C7orf78: variants seen among roughly 807,000 people sequenced by gnomAD.
The protein encoded by C7orf78 is putative uncharacterized protein C7orf78.
chr7:12,495,277 T>C, the C7orf78 span, among the ~76,000 whole-genome samples: 1 of 152,222 alleles, frequency 6.6e-6, no homozygotes, highest in Non-Finnish European at 1.5e-5. Context: ...TGTCAGATGG[T>C]GGCCACAAAG....
At chr7:12,542,035 T>G in the C7orf78 span, 1 of 152,308 alleles carries the variant, frequency 6.6e-6, no homozygotes, top group African/African-American at 2.4e-5. Flanking sequence ...TGAAACTTCT[T>G]TGCTTCTGAT....
At chr7:12,484,407 T>A in the C7orf78 span, among the ~76,000 whole-genome samples, 6 of 152,332 alleles carry the variant, frequency 3.9e-5, no homozygotes, top group East Asian at 9.6e-4. Flanking sequence ...ATAAGTTACC[T>A]AACATCTTGA....
At chr7:12,484,568 C>T in the C7orf78 span, among the ~76,000 whole-genome samples, 1 of 151,994 alleles carries the variant, frequency 6.6e-6, no homozygotes, top group African/African-American at 2.4e-5. Flanking sequence ...CTTATAATGT[C>T]GCAATTTGTA....
the C7orf78 span, among the ~76,000 whole-genome samples, chr7:12,485,843 C>T: frequency 6.6e-5 from 10 of 151,366 alleles, no homozygotes; most frequent in African/African-American, 2.4e-4. Flanking sequence ...CGTCATAGGG[C>T]CTCTAAAGTT....
At chr7:12,528,979 T>G in the C7orf78 span, 1 of 398,442 alleles carries the variant, frequency 2.5e-6, no homozygotes, top group East Asian at 3.6e-5. Flanking sequence ...GCATTGTGAA[T>G]GCACCTGGGA....
At chr7:12,495,298 G>C in the C7orf78 span, among the ~76,000 whole-genome samples, 1 of 152,088 alleles carries the variant, frequency 6.6e-6, no homozygotes, top group Admixed American at 6.5e-5. Flanking sequence ...TGGCTGTTTT[G>C]CACAGCTCTT....
At chr7:12,501,065 T>C in the C7orf78 span, among the ~76,000 whole-genome samples, 1 of 150,840 alleles carries the variant, frequency 6.6e-6, no homozygotes, top group Non-Finnish European at 1.5e-5. Flanking sequence ...AAATTAGGTA[T>C]TGATGGGACA....
At chr7:12,502,883 C>A in the C7orf78 span, among the ~76,000 whole-genome samples, 1 of 149,004 alleles carries the variant, frequency 6.7e-6, no homozygotes, top group South Asian at 2.1e-4. Context: ...CACATATACA[C>A]CATGGAATAC....
the C7orf78 span, among the ~76,000 whole-genome samples, chr7:12,520,305 C>T: frequency 6.6e-6 from 1 of 152,320 alleles, no homozygotes; most frequent in South Asian, 2.1e-4. Context: ...GTGCCCGATG[C>T]CTCTAGTCAG....
the C7orf78 span, among the ~76,000 whole-genome samples, chr7:12,520,580 C>T: frequency 6.6e-6 from 1 of 152,184 alleles, no homozygotes; most frequent in Non-Finnish European, 1.5e-5. Context: ...CCACTGTAGT[C>T]AGAAAAGATA....
the C7orf78 span, among the ~76,000 whole-genome samples, chr7:12,537,646 GAT>G: frequency 6.6e-6 from 1 of 152,126 alleles, no homozygotes; most frequent in Non-Finnish European, 1.5e-5. Flanking sequence ...TGATATATAA[GAT>G]ATATTTGTAT....
chr7:12,511,992 G>C, the C7orf78 span, among the ~76,000 whole-genome samples: 3 of 141,242 alleles, frequency 2.1e-5, no homozygotes, highest in African/African-American at 8.1e-5. Flanking sequence ...AGCCAGGATG[G>C]TCTCGATCTC....
chr7:12,512,305 T>C, the C7orf78 span, among the ~76,000 whole-genome samples: 13 of 152,282 alleles, frequency 8.5e-5, no homozygotes, highest in African/African-American at 2.4e-4. Flanking sequence ...CCCCATTTAG[T>C]ATCATGTTAG....
the C7orf78 span, among the ~76,000 whole-genome samples, chr7:12,501,228 C>T: frequency 2.8e-5 from 4 of 143,170 alleles, no homozygotes; most frequent in Non-Finnish European, 6.1e-5. Context: ...AAGTTCTGGC[C>T]AGGGCAATTA....
the C7orf78 span, among the ~76,000 whole-genome samples, chr7:12,518,983 G>T: frequency 1.3e-5 from 2 of 152,104 alleles, no homozygotes; most frequent in African/African-American, 2.4e-5. Flanking sequence ...TACAGAACCC[G>T]TGCTGCTGGT....
chr7:12,508,566 C>A, the C7orf78 span, among the ~76,000 whole-genome samples: 1 of 152,114 alleles, frequency 6.6e-6, no homozygotes, highest in East Asian at 1.9e-4. Context: ...CTCCAATGTA[C>A]TTTGATAGTT....
At chr7:12,505,882 C>T in the C7orf78 span, 1 of 152,030 alleles carries the variant, frequency 6.6e-6, no homozygotes, top group Non-Finnish European at 1.5e-5. Context: ...ACAATAGAAG[C>T]TTAATTTTAC....
At chr7:12,492,345 C>A in the C7orf78 span, among the ~76,000 whole-genome samples, 35 of 152,238 alleles carry the variant, frequency 2.3e-4, no homozygotes, top group African/African-American at 7.9e-4. Context: ...CTGCTTTAAA[C>A]AAGAAAAAGT....
At chr7:12,536,538 T>G in the C7orf78 span, among the ~76,000 whole-genome samples, 1 of 152,138 alleles carries the variant, frequency 6.6e-6, no homozygotes, top group Non-Finnish European at 1.5e-5. Context: ...ATTTCCCCCA[T>G]TGTCTTGGGG....
Sources: allele counts gnomAD v4.1 joint callset (sites outside exome capture counted in the v4.1 genomes callset), GRCh38; gene constraint gnomAD v4.1.1; transcripts MANE v1.5; gene names NCBI Gene and HGNC (gene_info 2026-07-23, HGNC 2026-07-21).